Variants in PPP1R9A observed in about 807,000 individuals in gnomAD.
The protein encoded by PPP1R9A is neurabin-1.
A neutral mutation model predicts 141.9 loss-of-function variants in PPP1R9A; 59 were observed. The observed-to-expected ratio is 0.42, with a 90% CI of 0.34 to 0.52. PPP1R9A has a LOEUF of 0.52. Ranked by LOEUF, PPP1R9A falls within the 20% of genes least tolerant of loss-of-function variation. The pLI, the probability that PPP1R9A is intolerant of heterozygous loss-of-function variation, is 0.10. For missense variants in PPP1R9A, 1,444 were observed against 1,611.9 expected (o/e 0.90, Z 1.78); for synonymous variants, 500 against 569.7 (o/e 0.88, Z 1.74).
intron 2 of PPP1R9A, among the ~76,000 whole-genome samples, chr7:94,928,342 A>G (rs1003003225): frequency 6.6e-6 from 1 of 152,148 alleles, no homozygotes; most frequent in Non-Finnish European, 1.5e-5. Context: ...ATGGGGAGTC[A>G]TTGAATAATT....
At chr7:94,908,717 G>A (rs1179092867) in intron 1 of PPP1R9A, 2 of 152,230 alleles carry the variant, frequency 1.3e-5, no homozygotes, top group Non-Finnish European at 2.9e-5. Flanking sequence ...GGTGTGTGTA[G>A]GGGAGAGGGG....
rs779356334 is a variant in PPP1R9A, at chr7:95,120,711, G to T, written c.1529-1G>T. The T allele has an allele frequency of 6.2e-7, 1 of 1,608,842 alleles. No individual in the cohort carries two copies. The highest frequency in any genetic ancestry group is 1.7e-5 in the Admixed American group (1 of 59,274). On this transcript the variant is annotated splice_acceptor_variant, in intron 3 of 19. Coordinates refer to ENST00000433360, the MANE Select transcript of PPP1R9A (RefSeq NM_001166160.2). LOFTEE classifies it high-confidence loss of function. ...CTCCCCCCTTTTTTTCTTTTTAATA[G>T]ATGAGGATGGTCTTGGTATAAGTAT... is the stretch of plus-strand genomic sequence containing the variant.
At chr7:95,148,073 T>C (rs1827968508) in intron 4 of PPP1R9A, among the ~76,000 whole-genome samples, 2 of 152,180 alleles carry the variant, frequency 1.3e-5, no homozygotes, top group Admixed American at 1.3e-4. Context: ...GGGAAATTCA[T>C]ATTATTGAAT....
chr7:95,288,068 A>G (rs1000608367), intron 18 of PPP1R9A, among the ~76,000 whole-genome samples: 2 of 152,180 alleles, frequency 1.3e-5, no homozygotes, highest in Non-Finnish European at 2.9e-5. Context: ...AAGTGAAATA[A>G]TGGTTGTGAA....
At chr7:95,023,737 A>G (rs533694272) in intron 2 of PPP1R9A, among the ~76,000 whole-genome samples, 1 of 152,014 alleles carries the variant, frequency 6.6e-6, no homozygotes, top group Admixed American at 6.6e-5. Flanking sequence ...TATTTTTATT[A>G]GAGTTGGAGT....
At chr7:95,217,338 A>T (rs1466299625) in intron 7 of PPP1R9A, among the ~76,000 whole-genome samples, 1 of 152,156 alleles carries the variant, frequency 6.6e-6, no homozygotes, top group African/African-American at 2.4e-5. Context: ...ATGGTGGATA[A>T]GCTTTTTGAT....
chr7:95,088,563 C>G (rs930785584), intron 2 of PPP1R9A, among the ~76,000 whole-genome samples: 1 of 151,882 alleles, frequency 6.6e-6, no homozygotes, highest in Non-Finnish European at 1.5e-5. Flanking sequence ...GTTCGAGAAG[C>G]CTATTGAACA....
chr7:94,973,713 C>T (rs80351989), intron 2 of PPP1R9A, among the ~76,000 whole-genome samples: 4 of 148,174 alleles, frequency 2.7e-5, no homozygotes, highest in Admixed American at 6.7e-5. Flanking sequence ...TATTTTTTTT[C>T]TTTCTTTCTT....
chr7:95,072,513 AC>A (rs1258586778), intron 2 of PPP1R9A, among the ~76,000 whole-genome samples: 1 of 142,388 alleles, frequency 7.0e-6, no homozygotes, highest in Non-Finnish European at 1.5e-5. Context: ...AAACTAAGTC[AC>A]CATACTTAGA....
chr7:95,163,821 T>C (rs1229763116), intron 5 of PPP1R9A, among the ~76,000 whole-genome samples: 2 of 152,030 alleles, frequency 1.3e-5, no homozygotes, highest in African/African-American at 4.8e-5. Flanking sequence ...CTCATTGCAA[T>C]CTCTGCCTCC....
chr7:94,916,583 A>G (rs1313092521), intron 2 of PPP1R9A, among the ~76,000 whole-genome samples: 5 of 152,210 alleles, frequency 3.3e-5, no homozygotes, highest in Admixed American at 2.0e-4. Flanking sequence ...GTGGATTATT[A>G]TCCTTAACTC....
At chr7:95,175,173 A>G (rs1273377093) in intron 5 of PPP1R9A, 1 of 152,170 alleles carries the variant, frequency 6.6e-6, no homozygotes, top group Non-Finnish European at 1.5e-5. Flanking sequence ...ATAGATAATT[A>G]CATTCAGACT....
Position 95,284,198 on chromosome 7 carries a change from A to C in PPP1R9A, c.3477A>C (p.Ser1159=). 1 of 1,579,926 alleles carries C rather than the reference A, an allele frequency of 6.3e-7. No homozygotes were observed. Among genetic ancestry groups the C allele is most frequent in the South Asian group, 1.1e-5 (1 of 90,690 alleles). The change falls in exon 17 of 20, where the codon TCA becomes TCC. Residue 1159 remains serine (S), a synonymous_variant. Transcript: ENST00000433360. ...AGCCTTCTCCTGAGACTCTAATTTC[A>C]GATAAAAAGGGGTCCAAGGTAGAAA... The part of the protein sequence containing the change: ...SLQPSPETLI[S]DKKGSKVENT...
intron 5 of PPP1R9A, among the ~76,000 whole-genome samples, chr7:95,189,367 A>G (rs1425112100): frequency 6.6e-6 from 1 of 151,538 alleles, no homozygotes; most frequent in African/African-American, 2.4e-5. Flanking sequence ...CCTCCTCAGG[A>G]ACACCAGTTA....
intron 2 of PPP1R9A, among the ~76,000 whole-genome samples, chr7:94,922,867 A>G (rs138479016): frequency 2.0e-5 from 3 of 152,300 alleles, no homozygotes; most frequent in Admixed American, 6.5e-5. Context: ...GTGGGACACA[A>G]TTGGAATGAT....
chr7:94,985,835 T>C (rs1033384770), intron 2 of PPP1R9A, among the ~76,000 whole-genome samples: 9 of 152,202 alleles, frequency 5.9e-5, no homozygotes, highest in African/African-American at 1.9e-4. Context: ...TCTTTCAGAT[T>C]GTTAAATATT....
chr7:95,134,577 C>T (rs1032338078), intron 4 of PPP1R9A, among the ~76,000 whole-genome samples: 7 of 152,182 alleles, frequency 4.6e-5, no homozygotes, highest in Admixed American at 6.5e-5. Flanking sequence ...GCTGGGATTA[C>T]GGCATGTACC....
At chr7:95,067,472 T>C (rs1813106744) in intron 2 of PPP1R9A, among the ~76,000 whole-genome samples, 1 of 152,186 alleles carries the variant, frequency 6.6e-6, no homozygotes, top group South Asian at 2.1e-4. Flanking sequence ...AGGGCTGAAT[T>C]AGTGAATGTA....
At chr7:95,162,081 A>G (rs1830539732) in intron 5 of PPP1R9A, 110 bp downstream of exon 5, 1 of 600,886 alleles carries the variant, frequency 1.7e-6, no homozygotes, top group South Asian at 3.5e-5. Context: ...TTACCTGAAT[A>G]GTAAAACTTT....
Sources: allele counts gnomAD v4.1 joint callset (sites outside exome capture counted in the v4.1 genomes callset), GRCh38; gene constraint gnomAD v4.1.1; transcripts MANE v1.5; gene names NCBI Gene and HGNC (gene_info 2026-07-23, HGNC 2026-07-21).